The following ZNF492 variants were observed in gnomAD, a reference collection of about 807,000 sequenced individuals.
ZNF492 encodes zinc finger protein 115 (Y20).
ZNF492 carries 3 observed loss-of-function variants against 6.4 expected under a neutral mutation model. That is an observed-to-expected ratio of 0.47 (90% CI 0.21 to 1.22). The LOEUF (loss-of-function observed/expected upper bound fraction) is 1.22, where lower values mean the gene tolerates loss of function less well. Among genes scored for constraint, ZNF492 ranks in the 50% most tolerant of loss-of-function variants. ZNF492 has a pLI of 0.22. For synonymous variants in ZNF492, 112 were observed against 205.3 expected (o/e 0.55, Z 3.89); for missense variants, 356 against 612.5 (o/e 0.58, Z 4.42).
intron 3 of ZNF492, among the ~76,000 whole-genome samples, chr19:22,656,585 A>G (rs2885221): frequency 0.19 from 29,087 of 151,896 alleles, 3,677 homozygotes; most frequent in African/African-American, 0.36. Flanking sequence ...GGCCTGCTGC[A>G]TGGCTATAAA....
intron 3 of ZNF492, among the ~76,000 whole-genome samples, chr19:22,654,890 C>T (rs1022049352): frequency 1.3e-5 from 2 of 150,712 alleles, no homozygotes; most frequent in African/African-American, 2.4e-5. Context: ...CGTGACCCAC[C>T]GTGCCTGACT....
In ZNF492 at chr19:22,634,592, G is replaced by A. The variant is rs1971741073; in HGVS notation, c.-94+118G>A. ...GTCGGCTCCACAATCTGCGCCCCAA[G>A]TTCGCCTTGCCCAGCCCAGCCTCAG... On this transcript the variant is annotated intron_variant, in intron 1 of 3. Coordinates refer to ENST00000456783, the MANE Select transcript of ZNF492 (RefSeq NM_020855.3). 33 of 1,095,200 alleles carry A rather than the reference G, an allele frequency of 3.0e-5. No individual in the cohort carries two copies. The South Asian group carries it at 4.0e-4, about 13-fold the overall frequency. The allele number at this position is 1,095,200 out of a possible 1,614,324, so 67.8% of individuals were successfully genotyped here.
intron 1 of ZNF492, among the ~76,000 whole-genome samples, chr19:22,651,246 T>TGA (rs1236837780): frequency 1.3e-5 from 2 of 152,026 alleles, no homozygotes; most frequent in African/African-American, 4.8e-5. Flanking sequence ...TAGTCAGTTC[T>TGA]GATGAGAGAA....
chr19:22,659,266 C>G (rs3906657), intron 3 of ZNF492, among the ~76,000 whole-genome samples: 1 of 145,414 alleles, frequency 6.9e-6, no homozygotes, highest in African/African-American at 2.7e-5. Context: ...TTTAAAAAAA[C>G]TGGTAAGACT....
intron 1 of ZNF492, among the ~76,000 whole-genome samples, chr19:22,650,326 C>A (rs563083388): frequency 8.5e-5 from 13 of 152,280 alleles, no homozygotes; most frequent in Admixed American, 2.0e-4. Context: ...GAACACCAAT[C>A]TGATGCCAGT....
intron 2 of ZNF492, 70 bp downstream of exon 2, chr19:22,653,503 G>A: frequency 1.3e-6 from 2 of 1,562,750 alleles, no homozygotes; most frequent in Non-Finnish European, 1.7e-6. Context: ...TTGTAGAATG[G>A]TTTTTGGTAA....
intron 3 of ZNF492, among the ~76,000 whole-genome samples, chr19:22,662,856 T>C (rs1386222284): frequency 1.3e-5 from 2 of 152,072 alleles, no homozygotes; most frequent in Non-Finnish European, 2.9e-5. Context: ...ATGGGTAGAT[T>C]GCATAGATTT....
intron 1 of ZNF492, among the ~76,000 whole-genome samples, chr19:22,648,015 TGA>T (rs954334883): frequency 6.6e-6 from 1 of 152,128 alleles, no homozygotes; most frequent in African/African-American, 2.4e-5. Flanking sequence ...ATTACAGGCG[TGA>T]GTCACCGTTC....
At chr19:22,658,768 T>C (rs1186639198) in intron 3 of ZNF492, among the ~76,000 whole-genome samples, 2 of 143,734 alleles carry the variant, frequency 1.4e-5, no homozygotes, top group Non-Finnish European at 3.0e-5. Context: ...TACTGGCTTT[T>C]AGTAACAATG....
In ZNF492 at chr19:22,665,364, A is replaced by T; in HGVS notation, c.*99A>T. ...AAAACTTCTACAAGTGTGAATGAAC[A>T]GTGTGGCAAAACTTACACAATGCTC... is the stretch of plus-strand genomic sequence containing the variant. On this transcript the variant is annotated 3_prime_UTR_variant, in exon 4 of 4. Coordinates refer to ENST00000456783, the MANE Select transcript of ZNF492 (RefSeq NM_020855.3). 6.7e-7 allele frequency: 1 copy of T among 1,490,584 alleles called. No individual in the cohort carries two copies. Among genetic ancestry groups the T allele is most frequent in the Non-Finnish European group, 8.9e-7 (1 of 1,121,368 alleles). The allele number at this position is 1,490,584 out of a possible 1,614,324, so 92.3% of individuals were successfully genotyped here.
intron 3 of ZNF492, among the ~76,000 whole-genome samples, chr19:22,657,272 C>G (rs1464488890): frequency 1.3e-5 from 2 of 152,030 alleles, no homozygotes. Flanking sequence ...ATGATTTGTT[C>G]CCAAATATTT....
chr19:22,645,109 C>T (rs556318490), intron 1 of ZNF492, among the ~76,000 whole-genome samples: 19 of 151,932 alleles, frequency 1.3e-4, no homozygotes, highest in South Asian at 8.3e-4. Flanking sequence ...TACAGTGGCA[C>T]GATCTCTGCT....
intron 1 of ZNF492, among the ~76,000 whole-genome samples, chr19:22,635,746 A>G (rs1420892076): frequency 1.3e-5 from 2 of 152,250 alleles, no homozygotes; most frequent in African/African-American, 4.8e-5. Context: ...GATAACCGCT[A>G]TGGCGATGTC....
intron 1 of ZNF492, among the ~76,000 whole-genome samples, chr19:22,649,039 A>C (rs1971913218): frequency 2.0e-5 from 3 of 151,988 alleles, no homozygotes; most frequent in African/African-American, 7.2e-5. Context: ...ATTGGTCTTC[A>C]TGGTGTGTTT....
In ZNF492 at chr19:22,664,861, T is replaced by C. The variant is rs1357385122; in HGVS notation, c.1192T>C (p.Cys398Arg). The C allele has an allele frequency of 6.2e-7, 1 of 1,610,706 alleles. No homozygotes were observed. The highest frequency in any genetic ancestry group is 8.5e-7 in the Non-Finnish European group (1 of 1,177,884). Residue 398 changes from cysteine (C) to arginine (R), a missense_variant, in exon 4 of 4, where the codon TGT (cysteine) becomes CGT (arginine). Transcript: ENST00000456783. ...TGEKPYKCEE[C>R]GKAFNLSSQL... ...AGAGAAGCCCTACAAATGTGAAGAA[T>C]GTGGCAAAGCTTTTAACCTATCGTC... is the stretch of plus-strand genomic sequence containing the variant.
rs565077129 is a variant in ZNF492 at position 22,666,788 on chromosome 19, A to G, written c.*1523A>G. ...TTTTACTAATTTTACTTTTATGAAA[A>G]TGCAGTACATGTTAAAAATTTTAGA... On this transcript the variant is annotated 3_prime_UTR_variant, in exon 4 of 4. Coordinates refer to ENST00000456783, the MANE Select transcript of ZNF492 (RefSeq NM_020855.3). 6.6e-5 allele frequency: 10 copies of G among 152,222 alleles called. No homozygotes were observed. The highest frequency in any genetic ancestry group is 2.2e-4 in the African/African-American group (9 of 41,462). 9.4% of individuals were successfully genotyped at this position (152,222 alleles called of 1,614,324 possible). A position where few individuals can be genotyped will look rare whatever the true frequency, so the allele number is the denominator to read the frequency against.
At chr19:22,642,384 CTTTTTT>C (rs869202400) in intron 1 of ZNF492, among the ~76,000 whole-genome samples, 2,286 of 84,432 alleles carry the variant, frequency 0.027, 78 homozygotes, top group African/African-American at 0.12. Flanking sequence ...AACCTTTTGT[CTTTTTT>C]TTTTTTTTTT....
Position 22,664,644 on chromosome 19 carries a change from T to C in ZNF492, c.975T>C (p.Thr325=), listed in dbSNP as rs200641734. The part of the protein sequence containing the change: ...GKAFSQLSHL[T]THKRIHSGEK... ...CCTTTAGCCAGTTATCCCACCTTACTACACATAAGAGAATTCATTCTGGAG... is the reference window on the plus strand; with the variant it reads ...CCTTTAGCCAGTTATCCCACCTTACCACACATAAGAGAATTCATTCTGGAG... Residue 325 remains threonine (T), a synonymous_variant, in exon 4 of 4, where the codon ACT becomes ACC. Coordinates refer to ENST00000456783, the MANE Select transcript of ZNF492 (RefSeq NM_020855.3). The C allele has an allele frequency of 1.0e-3, 1,608 of 1,613,612 alleles. 8 individuals are homozygous for C. Among genetic ancestry groups the C allele is most frequent in the Non-Finnish European group, 9.3e-4 (1,102 of 1,179,798 alleles).
At position 22,666,918 on chromosome 19, in the gene ZNF492, T is replaced by C. The variant is rs986468908; in HGVS notation, c.*1653T>C. ...CTTACTTTAACCTAGTCCACCTTACTCAAGGGTGTAGGTAAAAGGTGGTAA... is the reference window on the plus strand; with the variant it reads ...CTTACTTTAACCTAGTCCACCTTACCCAAGGGTGTAGGTAAAAGGTGGTAA... On this transcript the variant is annotated 3_prime_UTR_variant, in exon 4 of 4. Transcript: ENST00000456783. 6.6e-6 allele frequency: 1 copy of C among 152,164 alleles called. No individual in the cohort carries two copies. Among genetic ancestry groups the C allele is most frequent in the Non-Finnish European group, 1.5e-5 (1 of 68,036 alleles). The allele number at this position is 152,164 out of a possible 1,614,324, so 9.4% of individuals were successfully genotyped here.
Sources: gnomAD v4.1 joint callset for allele counts (sites outside exome capture counted in the v4.1 genomes callset) on GRCh38, gnomAD v4.1.1 for gene constraint, MANE v1.5 for transcripts, NCBI Gene and HGNC (gene_info 2026-07-23, HGNC 2026-07-21) for gene names.